HIBADH: variants seen among roughly 807,000 people sequenced by gnomAD.
HIBADH encodes 3-hydroxyisobutyrate dehydrogenase.
In HIBADH, 25 loss-of-function variants were observed where a neutral mutation model predicts 36.1. The observed-to-expected ratio is 0.69, with a 90% CI of 0.50 to 0.97. The LOEUF (loss-of-function observed/expected upper bound fraction) is 0.97, where lower values mean the gene tolerates loss of function less well. Among genes scored for constraint, HIBADH ranks in the 50% least tolerant of loss-of-function variants. HIBADH has a pLI of 0.00. For missense variants in HIBADH, 421 were observed against 418.0 expected, an observed-to-expected ratio of 1.01 and a Z score of -0.06; for synonymous variants, 160 against 149.5, an observed-to-expected ratio of 1.07 and a Z score of -0.51.
intron 4 of HIBADH, among the ~76,000 whole-genome samples, chr7:27,604,716 T>C (rs2128290812): frequency 6.6e-6 from 1 of 152,254 alleles, no homozygotes; most frequent in South Asian, 2.1e-4. Context: ...TTTCCTAATT[T>C]TTAAAACCAA....
At chr7:27,599,178 C>T (rs1400844932) in intron 4 of HIBADH, among the ~76,000 whole-genome samples, 1 of 151,948 alleles carries the variant, frequency 6.6e-6, no homozygotes, top group East Asian at 1.9e-4. Context: ...GATGTATGTA[C>T]CAATTAGTCC....
intron 4 of HIBADH, among the ~76,000 whole-genome samples, chr7:27,586,067 G>T (rs1524532): frequency 0.76 from 116,020 of 152,138 alleles, 44,736 homozygotes; most frequent in East Asian, 0.94. Flanking sequence ...ATCAGTTCAC[G>T]CATTTTCTCT....
At chr7:27,544,755 A>C (rs1212140616) in intron 4 of HIBADH, among the ~76,000 whole-genome samples, 1 of 152,218 alleles carries the variant, frequency 6.6e-6, no homozygotes, top group Non-Finnish European at 1.5e-5. Context: ...CTTTGTATTT[A>C]GATTACAGAC....
chr7:27,562,772 T>A (rs1433684996), intron 4 of HIBADH, among the ~76,000 whole-genome samples: 2 of 152,318 alleles, frequency 1.3e-5, no homozygotes, highest in African/African-American at 4.8e-5. Context: ...CCATTTCTTT[T>A]CATATCTCAG....
At chr7:27,553,373 A>C (rs753305952) in intron 4 of HIBADH, among the ~76,000 whole-genome samples, 6 of 152,214 alleles carry the variant, frequency 3.9e-5, no homozygotes, top group Non-Finnish European at 8.8e-5. Context: ...CAGCTGCTAC[A>C]TTTGCAGACC....
chr7:27,574,639 T>G (rs1038885188), intron 4 of HIBADH, among the ~76,000 whole-genome samples: 1 of 151,972 alleles, frequency 6.6e-6, no homozygotes, highest in African/African-American at 2.4e-5. Context: ...TATGCACACC[T>G]CCCCCTCTAA....
intron 3 of HIBADH, among the ~76,000 whole-genome samples, chr7:27,631,677 C>T (rs12155430): frequency 0.76 from 115,259 of 152,106 alleles, 44,098 homozygotes; most frequent in East Asian, 0.94. Context: ...GGAAACTGAC[C>T]TAAACTGTAT....
chr7:27,574,202 A>AGAAAT (rs10628041), intron 4 of HIBADH, among the ~76,000 whole-genome samples: 114,834 of 151,464 alleles, frequency 0.76, 43,969 homozygotes, highest in East Asian at 0.94. Flanking sequence ...AAATCTCTTT[A>AGAAAT]GAAATTAGAT....
chr7:27,656,527 G>GA (rs1168961928), intron 1 of HIBADH, among the ~76,000 whole-genome samples: 2 of 151,392 alleles, frequency 1.3e-5, no homozygotes, highest in Admixed American at 6.6e-5. Flanking sequence ...TTATTAAGTG[G>GA]AAAAAAAATG....
intron 4 of HIBADH, among the ~76,000 whole-genome samples, chr7:27,618,445 G>A (rs1785473342): frequency 6.6e-6 from 1 of 152,174 alleles, no homozygotes; most frequent in South Asian, 2.1e-4. Context: ...ACCATCACCA[G>A]CCCACGCAGA....
At chr7:27,580,566 GATTA>G (rs1784773320) in intron 4 of HIBADH, among the ~76,000 whole-genome samples, 1 of 152,162 alleles carries the variant, frequency 6.6e-6, no homozygotes, top group South Asian at 2.1e-4. Context: ...CACAAGGAAA[GATTA>G]TTTATTAAGC....
At chr7:27,617,794 G>C (rs946060774) in intron 4 of HIBADH, among the ~76,000 whole-genome samples, 2 of 151,850 alleles carry the variant, frequency 1.3e-5, no homozygotes, top group African/African-American at 4.8e-5. Context: ...AGCGCAGGTG[G>C]AGATCTGGAA....
rs968626264 is a variant in HIBADH, at chr7:27,525,582, G to A, written c.*632C>T. On this transcript the variant is annotated 3_prime_UTR_variant, in exon 8 of 8. Transcript: ENST00000265395. Reference sequence around the variant, plus strand: ...TCTTAAGTCAAAAAATACGTAGTAAGAATGAACAAGAAAGAAAAAAATATA... The same window carrying A: ...TCTTAAGTCAAAAAATACGTAGTAAAAATGAACAAGAAAGAAAAAAATATA... The A allele has an allele frequency of 6.6e-6, 1 of 152,138 alleles. No homozygotes were observed. Among genetic ancestry groups the A allele is most frequent in the African/African-American group, 2.4e-5 (1 of 41,426 alleles). 9.4% of individuals were successfully genotyped at this position (152,138 alleles called of 1,614,324 possible).
intron 4 of HIBADH, among the ~76,000 whole-genome samples, chr7:27,566,337 A>G (rs1483071967): frequency 6.6e-6 from 1 of 151,620 alleles, no homozygotes; most frequent in Admixed American, 6.6e-5. Flanking sequence ...TCATTCTTTA[A>G]TTTCTTTTTA....
intron 4 of HIBADH, among the ~76,000 whole-genome samples, chr7:27,584,855 TACTC>T (rs1784836127): frequency 6.6e-6 from 1 of 152,070 alleles, no homozygotes; most frequent in Non-Finnish European, 1.5e-5. Flanking sequence ...GCAGCAGTTT[TACTC>T]ACCATTCCTT....
chr7:27,531,412 T>A (rs968984998), intron 6 of HIBADH, 64 bp from the exon 7 acceptor site: 4 of 1,402,222 alleles, frequency 2.9e-6, no homozygotes, highest in Non-Finnish European at 3.9e-6. Context: ...GTGACTTATT[T>A]ATGTATGGGG....
chr7:27,598,970 A>G (rs537321793), intron 4 of HIBADH, among the ~76,000 whole-genome samples: 36 of 152,254 alleles, frequency 2.4e-4, no homozygotes, highest in African/African-American at 8.2e-4. Flanking sequence ...AAAAAAAGAA[A>G]AAGTATGACC....
At chr7:27,561,972 G>T (rs995590059) in intron 4 of HIBADH, among the ~76,000 whole-genome samples, 6 of 152,064 alleles carry the variant, frequency 3.9e-5, no homozygotes, top group Non-Finnish European at 7.4e-5. Context: ...GTAAGAAAAA[G>T]ATACTTATAT....
Position 27,655,128 on chromosome 7 carries a change from A to T in HIBADH, c.92-5495T>A, listed in dbSNP as rs181726172. Reference sequence around the variant, plus strand: ...AAAAAGTCAGTATCATATATATAGAAACAAACAAGAGAAGACAGTTCTCAA... The same window carrying T: ...AAAAAGTCAGTATCATATATATAGATACAAACAAGAGAAGACAGTTCTCAA... On this transcript the variant is annotated intron_variant, in intron 1 of 7. Coordinates refer to ENST00000265395, the MANE Select transcript of HIBADH (RefSeq NM_152740.4). Among the ~76,000 whole-genome samples the T allele has an allele frequency of 1.4e-4, 22 of 152,330 alleles. No homozygotes were observed. In the East Asian group the frequency reaches 4.0e-3, roughly 28 times the overall value.
Sources: allele counts gnomAD v4.1 joint callset (sites outside exome capture counted in the v4.1 genomes callset), GRCh38; gene constraint gnomAD v4.1.1; transcripts MANE v1.5; gene names NCBI Gene and HGNC (gene_info 2026-07-23, HGNC 2026-07-21).